Variants in LIPI observed in about 807,000 individuals in gnomAD.
LIPI encodes lipase I, also known as lipase member I.
Under a neutral mutation model 50.6 loss-of-function variants are expected in LIPI, and 59 were observed. The observed-to-expected ratio is 1.16, with a 90% CI of 0.94 to 1.45. The LOEUF (loss-of-function observed/expected upper bound fraction) is 1.45, where lower values mean the gene tolerates loss of function less well. Ranked by LOEUF, LIPI falls within the 40% of genes most tolerant of loss-of-function variation. The probability of loss-of-function intolerance (pLI) is 0.00; values close to 1 mark genes in which losing one functional copy is unlikely to be tolerated. For synonymous variants in LIPI, 203 were observed against 178.2 expected, an observed-to-expected ratio of 1.14 and a Z score of -1.11; for missense variants, 586 against 536.3, an observed-to-expected ratio of 1.09 and a Z score of -0.92.
At chr21:14,199,259 C>A (rs562755314) in intron 1 of LIPI, among the ~76,000 whole-genome samples, 3 of 151,422 alleles carry the variant, frequency 2.0e-5, no homozygotes, top group East Asian at 3.9e-4. Flanking sequence ...GCTGAACTGA[C>A]GGAGACTGAG....
chr21:14,130,823 A>G (rs1442158934), intron 9 of LIPI, among the ~76,000 whole-genome samples: 1 of 152,060 alleles, frequency 6.6e-6, no homozygotes, highest in Non-Finnish European at 1.5e-5. Context: ...CACCAGGAAC[A>G]CCAACATGGA....
At chr21:14,181,677 T>G in intron 4 of LIPI, 81 bp downstream of exon 4, 1 of 770,134 alleles carries the variant, frequency 1.3e-6, no homozygotes, top group Non-Finnish European at 2.3e-6. Context: ...ATGTTTTTTC[T>G]TCTTATGCCC....
intron 1 of LIPI, among the ~76,000 whole-genome samples, chr21:14,190,730 A>G (rs1251529201): frequency 2.0e-5 from 3 of 152,246 alleles, no homozygotes; most frequent in African/African-American, 7.2e-5. Context: ...GAGAATGAGG[A>G]AGAGAAATAT....
intron 3 of LIPI, among the ~76,000 whole-genome samples, chr21:14,184,667 G>C (rs780372926): frequency 1.3e-5 from 2 of 152,094 alleles, no homozygotes; most frequent in Non-Finnish European, 2.9e-5. Flanking sequence ...TGGCCTTTTA[G>C]TACCTGATGA....
At chr21:14,139,935 G>A (rs113607163) in intron 9 of LIPI, among the ~76,000 whole-genome samples, 19 of 152,290 alleles carry the variant, frequency 1.2e-4, no homozygotes, top group East Asian at 5.8e-4. Flanking sequence ...TAGTCAAGGC[G>A]TTGAAATTGG....
At chr21:14,137,407 T>C (rs2017539395) in intron 9 of LIPI, among the ~76,000 whole-genome samples, 1 of 152,046 alleles carries the variant, frequency 6.6e-6, no homozygotes. Flanking sequence ...TTAAAAAGAA[T>C]CAAGCAGAAA....
At chr21:14,145,938 C>G (rs2017888270) in intron 8 of LIPI, among the ~76,000 whole-genome samples, 1 of 152,266 alleles carries the variant, frequency 6.6e-6, no homozygotes, top group East Asian at 1.9e-4. Context: ...TTTCTGCTAC[C>G]TCCTGGCAGG....
chr21:14,125,814 C>CA (rs1160166378), intron 9 of LIPI, among the ~76,000 whole-genome samples: 1 of 152,136 alleles, frequency 6.6e-6, no homozygotes, highest in Non-Finnish European at 1.5e-5. Context: ...CTCCGCCTCC[C>CA]AAAGTGCTGG....
chr21:14,121,649 C>T (rs922999039), intron 9 of LIPI, among the ~76,000 whole-genome samples: 6 of 152,162 alleles, frequency 3.9e-5, no homozygotes, highest in African/African-American at 4.8e-5. Flanking sequence ...CTACCACCCT[C>T]GGGCCCTTAT....
intron 5 of LIPI, 103 bp downstream of exon 5, chr21:14,166,259 A>T (rs2018679077): frequency 1.3e-6 from 1 of 772,736 alleles, no homozygotes; most frequent in Admixed American, 1.8e-5. Flanking sequence ...GGCAATGATG[A>T]TGAAATCAAA....
chr21:14,178,660 T>G (rs1037264405), intron 4 of LIPI, among the ~76,000 whole-genome samples: 1 of 152,196 alleles, frequency 6.6e-6, no homozygotes, highest in Admixed American at 6.5e-5. Context: ...AACTTAATAA[T>G]AAGCACATTT....
At chr21:14,133,128 G>A (rs1270859192) in intron 9 of LIPI, among the ~76,000 whole-genome samples, 2 of 152,134 alleles carry the variant, frequency 1.3e-5, no homozygotes, top group Non-Finnish European at 2.9e-5. Flanking sequence ...AATTGAGGAG[G>A]AAGGAATTCT....
At chr21:14,181,976 C>T (rs942523773) in intron 3 of LIPI, 117 bp from the exon 4 acceptor site, 2 of 691,308 alleles carry the variant, frequency 2.9e-6, no homozygotes, top group Admixed American at 4.1e-5. Flanking sequence ...TAGTTTAAAC[C>T]TATCCAAGAA....
At chr21:14,192,329 G>A (rs1438903506) in intron 1 of LIPI, among the ~76,000 whole-genome samples, 1 of 152,108 alleles carries the variant, frequency 6.6e-6, no homozygotes, top group Non-Finnish European at 1.5e-5. Context: ...GCTGGGTGTG[G>A]TTGTGGGCGC....
intron 1 of LIPI, among the ~76,000 whole-genome samples, chr21:14,197,983 A>G (rs533816595): frequency 6.6e-6 from 1 of 152,298 alleles, no homozygotes; most frequent in Non-Finnish European, 1.5e-5. Flanking sequence ...CTTAAAGAAA[A>G]TAAATTCCAG....
chr21:14,183,985 C>G (rs564249133), intron 3 of LIPI, among the ~76,000 whole-genome samples: 1 of 152,188 alleles, frequency 6.6e-6, no homozygotes, highest in East Asian at 1.9e-4. Flanking sequence ...GGTATATACG[C>G]AAAGGATTAT....
At chr21:14,142,638 A>G (rs367971591) in intron 9 of LIPI, among the ~76,000 whole-genome samples, 3 of 151,296 alleles carry the variant, frequency 2.0e-5, no homozygotes, top group East Asian at 3.9e-4. Flanking sequence ...ACGCACCATC[A>G]TGCATGGCTA....
At chr21:14,112,306 C>T (rs1489002289) in intron 9 of LIPI, among the ~76,000 whole-genome samples, 1 of 151,894 alleles carries the variant, frequency 6.6e-6, no homozygotes, top group Non-Finnish European at 1.5e-5. Flanking sequence ...CTCAAAATTG[C>T]TTTAGCTATT....
intron 1 of LIPI, 137 bp downstream of exon 1, chr21:14,210,663 T>C (rs912708792): frequency 1.8e-5 from 4 of 222,304 alleles, no homozygotes; most frequent in South Asian, 7.1e-5. Context: ...TTAATAGTAA[T>C]GTTTGTTATA....
Sources: allele counts gnomAD v4.1 joint callset (sites outside exome capture counted in the v4.1 genomes callset), GRCh38; gene constraint gnomAD v4.1.1; transcripts MANE v1.5; gene names NCBI Gene and HGNC (gene_info 2026-07-23, HGNC 2026-07-21).